The following NFIC variants were observed in gnomAD, a reference collection of about 807,000 sequenced individuals.
NFIC encodes the protein nuclear factor I C.
In NFIC, 12 loss-of-function variants were observed where a neutral mutation model predicts 54.4. The ratio of observed to expected loss-of-function variants is 0.22; its 90% CI spans 0.14 to 0.36. NFIC has a LOEUF of 0.36. Among genes scored for constraint, NFIC ranks in the 10% least tolerant of loss-of-function variants. NFIC has a pLI of 1.00. For missense variants in NFIC, 575 were observed against 718.2 expected (o/e 0.80, Z 2.28); for synonymous variants, 322 against 319.2 (o/e 1.01, Z -0.09).
At chr19:3,394,522 C>CA (rs2081429209) in intron 2 of NFIC, among the ~76,000 whole-genome samples, 1 of 58,742 alleles carries the variant, frequency 1.7e-5, no homozygotes, top group Non-Finnish European at 2.8e-5. Flanking sequence ...TTTCCCCACC[C>CA]ACCCCCCACC....
At position 3,463,535 on chromosome 19, in the gene NFIC, C is replaced by A. The variant is rs538373535; in HGVS notation, c.*766C>A. Reference sequence around the variant, plus strand: ...TCCCCACAAGCCCCTCCCAAAGCGCCGGCCGACTCGCTGTCTCGCTGGGGA... The same window carrying A: ...TCCCCACAAGCCCCTCCCAAAGCGCAGGCCGACTCGCTGTCTCGCTGGGGA... On this transcript the variant is annotated 3_prime_UTR_variant, in exon 11 of 11. Transcript: ENST00000443272. 3 of 984,722 alleles carry A rather than the reference C, an allele frequency of 3.0e-6. No individual in the cohort carries two copies. Among genetic ancestry groups the A allele is most frequent in the Non-Finnish European group, 3.6e-6 (3 of 829,800 alleles). The allele number at this position is 984,722 out of a possible 1,614,324, so 61.0% of individuals were successfully genotyped here.
In NFIC at chr19:3,435,211, G is replaced by C. The variant is rs968517148; in HGVS notation, c.958+4G>C. 6.3e-7 allele frequency: 1 copy of C among 1,579,536 alleles called. No individual in the cohort carries two copies. The highest frequency in any genetic ancestry group is 8.6e-7 in the Non-Finnish European group (1 of 1,157,338). The stretch of plus-strand genomic sequence containing the variant: ...TGGACGGAGGACATGGAAGGAGGTA[G>C]GGCTGGTGGCGGGGGCGGAGCCGGC... On this transcript the variant is annotated splice_donor_region_variant and intron_variant, in intron 6 of 10. Coordinates refer to ENST00000443272, the MANE Select transcript of NFIC (RefSeq NM_001245002.2).
chr19:3,373,871 T>C (rs2081063991), intron 1 of NFIC, among the ~76,000 whole-genome samples: 1 of 152,062 alleles, frequency 6.6e-6, no homozygotes, highest in South Asian at 2.1e-4. Flanking sequence ...AGAATGAATC[T>C]TCCCTCTCTG....
chr19:3,435,306 G>A lies in NFIC; in HGVS notation c.958+99G>A. On this transcript the variant is annotated intron_variant, in intron 6 of 10. Coordinates refer to ENST00000443272, the MANE Select transcript of NFIC (RefSeq NM_001245002.2). ...CCACTGCGCGGGCGCCGCGGGGCAGGAAGCCGGCCTGGAGCCGCGGGGCCT... is the reference window on the plus strand; with the variant it reads ...CCACTGCGCGGGCGCCGCGGGGCAGAAAGCCGGCCTGGAGCCGCGGGGCCT... The A allele has an allele frequency of 2.8e-6, 4 of 1,427,136 alleles. No homozygotes were observed. In the South Asian group the frequency reaches 5.8e-5, roughly 21 times the overall value. The allele number at this position is 1,427,136 out of a possible 1,614,324, so 88.4% of individuals were successfully genotyped here.
At chr19:3,405,323 C>T (rs1342304240) in intron 2 of NFIC, among the ~76,000 whole-genome samples, 5 of 152,124 alleles carry the variant, frequency 3.3e-5, no homozygotes, top group African/African-American at 9.7e-5. Flanking sequence ...CTGGGGCGGG[C>T]GGGGAGTGCG....
rs758097116 is a variant in NFIC at position 3,366,599 on chromosome 19, C to T, written c.-38C>T. On this transcript the variant is annotated 5_prime_UTR_variant, in exon 1 of 11. Coordinates refer to ENST00000443272, the MANE Select transcript of NFIC (RefSeq NM_001245002.2). The stretch of plus-strand genomic sequence containing the variant: ...AAATGACTCAGTAAGTTCAGCGCGC[C>T]CGCTCCGGCCGGCCCTGCGCCTCCC... 2 of 1,402,956 alleles carry T rather than the reference C, an allele frequency of 1.4e-6. No individual in the cohort carries two copies. The highest frequency in any genetic ancestry group is 1.9e-6 in the Non-Finnish European group (2 of 1,044,048). 86.9% of individuals were successfully genotyped at this position (1,402,956 alleles called of 1,614,324 possible).
At chr19:3,396,684 G>A (rs761359038) in intron 2 of NFIC, among the ~76,000 whole-genome samples, 7 of 152,210 alleles carry the variant, frequency 4.6e-5, no homozygotes, top group East Asian at 1.9e-4. Context: ...GGCCGAGCAC[G>A]GCGGCTCACA....
At position 3,425,087 on chromosome 19, in the gene NFIC, T is replaced by C; in HGVS notation, c.563-19T>C. ...GGGGTCTCTGTGATGCCACCAGTGT[T>C]TCTTCCCTCTCTTTGCAGATGCAGA... On this transcript the variant is annotated intron_variant, in intron 2 of 10. Coordinates refer to ENST00000443272, the MANE Select transcript of NFIC (RefSeq NM_001245002.2). 1 of 1,612,988 alleles carries C rather than the reference T, an allele frequency of 6.2e-7. No homozygotes were observed. Among genetic ancestry groups the C allele is most frequent in the South Asian group, 1.1e-5 (1 of 90,966 alleles).
intron 2 of NFIC, among the ~76,000 whole-genome samples, chr19:3,406,418 G>C: frequency 6.8e-6 from 1 of 146,082 alleles, no homozygotes; most frequent in South Asian, 2.2e-4. Flanking sequence ...TGTAGAAATA[G>C]GGTCTCACTA....
intron 6 of NFIC, 131 bp from the exon 7 acceptor site, chr19:3,448,883 C>T: frequency 1.4e-6 from 2 of 1,398,570 alleles, no homozygotes; most frequent in East Asian, 2.4e-5. Flanking sequence ...AGCCTCTCCC[C>T]CTCAGGATTC....
intron 2 of NFIC, among the ~76,000 whole-genome samples, chr19:3,423,469 C>CT (rs1276621329): frequency 1.3e-5 from 2 of 151,820 alleles, no homozygotes; most frequent in African/African-American, 4.8e-5. Context: ...CTTCCTGCGG[C>CT]TTTCGACGTT....
chr19:3,374,541 T>C (rs2081073080), intron 1 of NFIC, among the ~76,000 whole-genome samples: 1 of 152,146 alleles, frequency 6.6e-6, no homozygotes, highest in Non-Finnish European at 1.5e-5. Context: ...CGACAGTGGG[T>C]GCCTCAACTC....
intron 10 of NFIC, among the ~76,000 whole-genome samples, chr19:3,460,778 T>TAC (rs2082627770): frequency 6.6e-6 from 1 of 151,572 alleles, no homozygotes; most frequent in African/African-American, 2.4e-5. Flanking sequence ...TCTCCCAAAG[T>TAC]ACTGGGATTA....
At chr19:3,430,244 C>CTTT (rs869061995) in intron 3 of NFIC, among the ~76,000 whole-genome samples, 1 of 142,958 alleles carries the variant, frequency 7.0e-6, no homozygotes, top group African/African-American at 2.6e-5. Context: ...CAGAACCTTT[C>CTTT]TTTTTTTTTT....
At chr19:3,429,408 A>C (rs761573020) in intron 3 of NFIC, among the ~76,000 whole-genome samples, 5 of 151,038 alleles carry the variant, frequency 3.3e-5, no homozygotes, top group Non-Finnish European at 7.4e-5. Context: ...GCAAGACCCT[A>C]TCTCTACAAA....
chr19:3,435,278 C>T, intron 6 of NFIC, 71 bp downstream of exon 6: 1 of 1,448,020 alleles, frequency 6.9e-7, no homozygotes, highest in Non-Finnish European at 9.2e-7. Flanking sequence ...CGTCTTCCGG[C>T]AGCCACTGCG....
intron 1 of NFIC, among the ~76,000 whole-genome samples, chr19:3,378,620 T>C (rs2081147776): frequency 6.6e-6 from 1 of 152,192 alleles, no homozygotes. Context: ...TCCTCATCTG[T>C]AGCATGGGTG....
At chr19:3,388,721 G>A (rs748632618) in intron 2 of NFIC, among the ~76,000 whole-genome samples, 4 of 152,160 alleles carry the variant, frequency 2.6e-5, no homozygotes, top group African/African-American at 7.2e-5. Flanking sequence ...CCAGCTACTC[G>A]GGAGGCTGAG....
chr19:3,367,810 G>A (rs1038005311), intron 1 of NFIC, among the ~76,000 whole-genome samples: 6 of 152,154 alleles, frequency 3.9e-5, no homozygotes, highest in Non-Finnish European at 5.9e-5. Context: ...CGATTCCAGC[G>A]AGGGCCAGGC....
Sources: allele counts gnomAD v4.1 joint callset (sites outside exome capture counted in the v4.1 genomes callset), GRCh38; gene constraint gnomAD v4.1.1; transcripts MANE v1.5; gene names NCBI Gene and HGNC (gene_info 2026-07-23, HGNC 2026-07-21).